The following TAPBPL variants were observed in gnomAD, a reference collection of about 807,000 sequenced individuals.
TAPBPL encodes the protein TAP binding protein like, also known as tapasin-related protein.
In TAPBPL, 32 loss-of-function variants were observed where a neutral mutation model predicts 44.8. The observed-to-expected ratio is 0.71, with a 90% CI of 0.54 to 0.96. The LOEUF is 0.96. Ranked by LOEUF, TAPBPL falls within the 40% of genes least tolerant of loss-of-function variation. The probability of loss-of-function intolerance (pLI) is 0.00; values close to 1 mark genes in which losing one functional copy is unlikely to be tolerated. For missense variants in TAPBPL, 520 were observed against 586.6 expected, an observed-to-expected ratio of 0.89 and a Z score of 1.17; for synonymous variants, 230 against 240.7, an observed-to-expected ratio of 0.96 and a Z score of 0.41.
At chr12:6,465,422 ATATATAAATG>A (rs1437826580), downstream of TAPBPL, 2 of 115,582 alleles carry the variant, frequency 1.7e-5, no homozygotes, top group Middle Eastern at 3.8e-3. Context: ...ATGTATATAT[ATATATAAATG>A]TATATATATG....
downstream of TAPBPL, chr12:6,462,863 T>G (rs1347637205): frequency 1.2e-6 from 2 of 1,605,234 alleles, no homozygotes; most frequent in Non-Finnish European, 1.7e-6. Flanking sequence ...ACGAAGGGAA[T>G]GTGGGAAACA....
intron 3 of TAPBPL, among the ~76,000 whole-genome samples, chr12:6,454,192 G>A (rs1371770755): frequency 6.6e-6 from 1 of 152,078 alleles, no homozygotes; most frequent in Admixed American, 6.5e-5. Context: ...AGTCAGGCCA[G>A]GTGCGAAGGC....
downstream of TAPBPL, chr12:6,464,891 T>C: frequency 6.2e-7 from 1 of 1,613,980 alleles, no homozygotes; most frequent in Non-Finnish European, 8.5e-7. Flanking sequence ...GATACTTACT[T>C]ACAATAACTA....
downstream of TAPBPL, chr12:6,470,892 T>G: frequency 1.2e-5 from 4 of 321,654 alleles, no homozygotes; most frequent in East Asian, 5.9e-5. Flanking sequence ...AATGCGACCA[T>G]AGTTTGCGCT....
rs1265996499 is a variant in TAPBPL, at chr12:6,457,719, G to T, written c.879G>T (p.Gln293His). 6.3e-7 allele frequency: 1 copy of T among 1,595,070 alleles called. No homozygotes were observed. Among genetic ancestry groups the T allele is most frequent in the Non-Finnish European group, 8.6e-7 (1 of 1,166,178 alleles). ...TCACCACCTCTCTGTACCGAGCTCA[G>T]CAGATCATCCAGCTCAACATCCAAG... ...CQITTSLYRA[Q>H]QIIQLNIQAS... Residue 293 changes from glutamine (Q) to histidine (H), a missense_variant, in exon 4 of 7, where the codon CAG becomes CAT. Transcript: ENST00000266556.
downstream of TAPBPL, among the ~76,000 whole-genome samples, chr12:6,468,068 G>A (rs1945674433): frequency 6.6e-6 from 1 of 152,216 alleles, no homozygotes. Flanking sequence ...TGTGGGGTTG[G>A]AGCCCCCACA....
downstream of TAPBPL, among the ~76,000 whole-genome samples, chr12:6,468,599 C>CA (rs1264401817): frequency 6.6e-6 from 1 of 151,592 alleles, no homozygotes; most frequent in African/African-American, 2.4e-5. Flanking sequence ...CTGGATTTGA[C>CA]AGTCTCAGAT....
At chr12:6,470,201 T>C (rs1448613938), downstream of TAPBPL, among the ~76,000 whole-genome samples, 2 of 152,044 alleles carry the variant, frequency 1.3e-5, no homozygotes, top group Non-Finnish European at 1.5e-5. Context: ...TGCCCAGTTG[T>C]CTCCATCCAC....
chr12:6,464,683 G>A (rs954032398), downstream of TAPBPL: 5 of 1,486,446 alleles, frequency 3.4e-6, no homozygotes, highest in African/African-American at 4.2e-5. Context: ...CCATCTCCCT[G>A]CAATGCGTTG....
chr12:6,463,737 G>C, downstream of TAPBPL: 1 of 1,157,912 alleles, frequency 8.6e-7, no homozygotes, highest in Non-Finnish European at 1.1e-6. This position sits in a 1 kb window ranked among gnomAD's most constrained non-coding sequence, Gnocchi z 4.0. Flanking sequence ...GTAAAGAAGA[G>C]AAAGCTCCTT....
chr12:6,463,066 A>T, downstream of TAPBPL: 3 of 1,538,178 alleles, frequency 2.0e-6, no homozygotes, highest in South Asian at 3.6e-5. The surrounding 1 kb of genome is among the most constrained non-coding windows in gnomAD (Gnocchi z 4.0). Context: ...GGCTTATCCC[A>T]CATTAATAGC....
At position 6,452,204 on chromosome 12, in the gene TAPBPL, G is replaced by A. The variant is rs200546990; in HGVS notation, c.-45G>A. On this transcript the variant is annotated 5_prime_UTR_variant, in exon 1 of 7. The change creates a new upstream start codon in the 5' untranslated region. Transcript: ENST00000266556. ...CGGGCCTCGCAAGCAGCGTAGGACTGTGGAGAAGGGCGGTGGGCAAGGAGG... is the reference window on the plus strand; with the variant it reads ...CGGGCCTCGCAAGCAGCGTAGGACTATGGAGAAGGGCGGTGGGCAAGGAGG... 1.9e-6 allele frequency: 3 copies of A among 1,556,890 alleles called. No homozygotes were observed. Among genetic ancestry groups the A allele is most frequent in the African/African-American group, 1.4e-5 (1 of 74,070 alleles).
At chr12:6,465,360 A>G (rs113054095), downstream of TAPBPL, 1,376 of 187,962 alleles carry the variant, frequency 7.3e-3, 31 homozygotes, top group Non-Finnish European at 0.012. Context: ...AGAAAAAAGT[A>G]TATATATATA....
At chr12:6,467,328 T>G (rs567361521), downstream of TAPBPL, among the ~76,000 whole-genome samples, 1 of 152,290 alleles carries the variant, frequency 6.6e-6, no homozygotes, top group African/African-American at 2.4e-5. Context: ...TGGAACCTCC[T>G]AGAGACTTGT....
intron 6 of TAPBPL, chr12:6,461,184 C>T (rs1949851009): frequency 7.5e-7 from 1 of 1,333,424 alleles, no homozygotes; most frequent in African/African-American, 1.5e-5. Context: ...TAGTCACGTG[C>T]TCCCAGAAGG....
chr12:6,470,482 CGA>C, downstream of TAPBPL: 2 of 1,613,306 alleles, frequency 1.2e-6, no homozygotes, highest in Non-Finnish European at 8.5e-7. Flanking sequence ...GAGCTTGGGG[CGA>C]GAGTTGTCAA....
downstream of TAPBPL, chr12:6,464,928 A>G (rs1241518449): frequency 6.2e-7 from 1 of 1,614,030 alleles, no homozygotes; most frequent in East Asian, 2.2e-5. Flanking sequence ...GATGGCTCCC[A>G]GCATGATCAT....
Position 6,462,165 on chromosome 12 carries a change from G to A in TAPBPL, c.*16G>A. ...GCCCAGCTGACCTAAAGCGACATGA[G>A]ACTACTAGAAAGAAACGACACCCTT... is the stretch of plus-strand genomic sequence containing the variant. On this transcript the variant is annotated 3_prime_UTR_variant, in exon 7 of 7. Transcript: ENST00000266556. 1 of 1,585,464 alleles carries A rather than the reference G, an allele frequency of 6.3e-7. No individual in the cohort carries two copies. The highest frequency in any genetic ancestry group is 8.6e-7 in the Non-Finnish European group (1 of 1,161,904).
downstream of TAPBPL, chr12:6,462,531 CAG>C (rs1565522850): frequency 2.0e-6 from 1 of 509,394 alleles, no homozygotes; most frequent in Non-Finnish European, 3.5e-6. Context: ...AGGGGGATAG[CAG>C]AGACACACAG....
Sources: gnomAD v4.1 joint callset for allele counts (sites outside exome capture counted in the v4.1 genomes callset) on GRCh38, gnomAD v4.1.1 for gene constraint, Gnocchi (gnomAD v3.1) non-coding constraint, MANE v1.5 for transcripts, NCBI Gene and HGNC (gene_info 2026-07-23, HGNC 2026-07-21) for gene names.